Variants in OGN observed in about 807,000 individuals in gnomAD.
OGN encodes the protein osteoglycin, also known as mimecan.
OGN carries 19 observed loss-of-function variants against 30.8 expected under a neutral mutation model. The observed-to-expected ratio is 0.62, with a 90% CI of 0.43 to 0.90. The LOEUF is 0.90. OGN is among the 40% of genes least tolerant of loss of function. The pLI, the probability that OGN is intolerant of heterozygous loss-of-function variation, is 0.00. For missense variants in OGN, 283 were observed against 349.7 expected (o/e 0.81, Z 1.52); for synonymous variants, 126 against 128.3 (o/e 0.98, Z 0.12).
At chr9:92,403,504 A>T (rs1267341600) in intron 1 of OGN, 22 bp from the exon 2 acceptor site, 1 of 1,474,510 alleles carries the variant, frequency 6.8e-7, no homozygotes, top group African/African-American at 1.4e-5. Context: ...AATTCAGACC[A>T]TCGAAGCAAT....
chr9:92,393,202 A>G lies in OGN; in HGVS notation c.311T>C (p.Val104Ala), dbSNP rs1214184627. ...CLLCVCLSGS[V>A]YCEEVDIDAV... Reference sequence around the variant, plus strand: ...ATCAATGTCAACTTCTTCACAGTATACAGAGCCACTTAAACAAACACACAG... The same window carrying G: ...ATCAATGTCAACTTCTTCACAGTATGCAGAGCCACTTAAACAAACACACAG... Residue 104 changes from valine (V) to alanine (A), a missense_variant, in exon 4 of 7, where the codon GTA (valine) becomes GCA (alanine). Transcript: ENST00000375561. The G allele has an allele frequency of 6.2e-7, 1 of 1,610,970 alleles. No individual in the cohort carries two copies. Among genetic ancestry groups the G allele is most frequent in the Non-Finnish European group, 8.5e-7 (1 of 1,178,326 alleles).
rs964282234 is a variant in OGN, at chr9:92,385,480, A to G, written c.*140T>C. ...TTACTTATTATATGTAAGATTTTGA[A>G]CATCCTTGCTTAAAATATTAAATTC... On this transcript the variant is annotated 3_prime_UTR_variant, in exon 7 of 7. Coordinates refer to ENST00000375561, the MANE Select transcript of OGN (RefSeq NM_014057.5). The G allele has an allele frequency of 1.4e-5, 10 of 700,358 alleles. No homozygotes were observed. Among genetic ancestry groups the G allele is most frequent in the African/African-American group, 1.3e-4 (7 of 55,116 alleles). 43.4% of individuals were successfully genotyped at this position (700,358 alleles called of 1,614,324 possible). A position where few individuals can be genotyped will look rare whatever the true frequency, so the allele number is the denominator to read the frequency against.
chr9:92,396,911 C>T (rs758172259), intron 3 of OGN, among the ~76,000 whole-genome samples: 2 of 152,014 alleles, frequency 1.3e-5, no homozygotes, highest in Non-Finnish European at 2.9e-5. Flanking sequence ...TGCAATGGCT[C>T]ATATATGTAA....
intron 3 of OGN, among the ~76,000 whole-genome samples, chr9:92,397,012 C>CA (rs1842918447): frequency 6.7e-6 from 1 of 149,838 alleles, no homozygotes; most frequent in South Asian, 2.2e-4. Context: ...CTCATCTCTA[C>CA]AAAAAAATAC....
Position 92,401,104 on chromosome 9 carries a change from T to C in OGN, c.256A>G (p.Lys86Glu). The part of the protein sequence containing the change: ...DEAITPLPPK[K>E]ENDEMPTCLL... ...AGATGATACTTACCATCATTTTCTT[T>C]CTTGGGAGGTAATGGTGTTATTGCC... Residue 86 changes from lysine to glutamate, a missense_variant, in exon 3 of 7, where the codon AAA (lysine) becomes GAA (glutamate). Transcript: ENST00000375561. The C allele has an allele frequency of 6.8e-7, 1 of 1,462,344 alleles. No individual in the cohort carries two copies. Among genetic ancestry groups the C allele is most frequent in the Non-Finnish European group, 9.6e-7 (1 of 1,045,642 alleles). 90.6% of individuals were successfully genotyped at this position (1,462,344 alleles called of 1,614,324 possible).
intron 6 of OGN, 61 bp from the exon 7 acceptor site, chr9:92,385,851 T>A: frequency 6.4e-7 from 1 of 1,550,714 alleles, no homozygotes. Context: ...ATATGCTATA[T>A]AATGGGTAAA....
Position 92,403,298 on chromosome 9 carries a change from T to A in OGN, c.110A>T (p.Asn37Ile), listed in dbSNP as rs952308907. ...TTGGCTAAATATGGATTCTTCAAAA[T>A]TATCTGTTCCATAATCATAGATAAT... ...SRIIYDYGTD[N>I]FEESIFSQDY... The change falls in exon 2 of 7, where the codon AAT (asparagine) becomes ATT (isoleucine). Residue 37 changes from asparagine (N) to isoleucine (I), a missense_variant. Transcript: ENST00000375561. 2 of 1,612,224 alleles carry A rather than the reference T, an allele frequency of 1.2e-6. No homozygotes were observed. Among genetic ancestry groups the A allele is most frequent in the Non-Finnish European group, 1.7e-6 (2 of 1,178,594 alleles).
chr9:92,394,182 T>C (rs1842797565), intron 3 of OGN, among the ~76,000 whole-genome samples: 1 of 151,656 alleles, frequency 6.6e-6, no homozygotes, highest in African/African-American at 2.4e-5. Context: ...GTTGGCACTC[T>C]CTTCTTATTT....
intron 4 of OGN, among the ~76,000 whole-genome samples, chr9:92,391,339 G>A (rs971001077): frequency 6.6e-5 from 10 of 152,090 alleles, no homozygotes; most frequent in African/African-American, 1.2e-4. Flanking sequence ...CCTGGGAGGC[G>A]GAGCTAGCAG....
chr9:92,390,100 C>A, intron 4 of OGN, 44 bp from the exon 5 acceptor site: 1 of 1,142,268 alleles, frequency 8.8e-7, no homozygotes, highest in South Asian at 1.4e-5. Context: ...AAGTAAAATT[C>A]TTATTGTATG....
intron 4 of OGN, among the ~76,000 whole-genome samples, chr9:92,390,587 T>TGTGTGTGTGCGC (rs749697394): frequency 2.1e-5 from 3 of 141,912 alleles, no homozygotes; most frequent in Non-Finnish European, 3.2e-5. Flanking sequence ...TGTGTGTGTG[T>TGTGTGTGTGCGC]GCGCGCGCGC....
chr9:92,389,317 T>A (rs1455697939), intron 5 of OGN, among the ~76,000 whole-genome samples: 2 of 152,210 alleles, frequency 1.3e-5, no homozygotes, highest in South Asian at 4.1e-4. Flanking sequence ...TTGCTTGAAT[T>A]GTTAAGAAAT....
chr9:92,391,962 C>T (rs7847929), intron 4 of OGN, among the ~76,000 whole-genome samples: 72,164 of 151,530 alleles, frequency 0.48, 20,697 homozygotes, highest in African/African-American at 0.81. Context: ...GCAGCATGAA[C>T]CTGGTTATGG....
chr9:92,384,919 A>G lies in OGN; in HGVS notation c.*701T>C, dbSNP rs1206182511. 6.6e-6 allele frequency: 1 copy of G among 152,514 alleles called. No homozygotes were observed. Among genetic ancestry groups the G allele is most frequent in the African/African-American group, 2.4e-5 (1 of 41,426 alleles). 9.4% of individuals were successfully genotyped at this position (152,514 alleles called of 1,614,324 possible). Reference sequence around the variant, plus strand: ...GCTTGAGTTTAAAACTTTTTTTGGTAGACTTAGAATGTTAATATTTAGATA... The same window carrying G: ...GCTTGAGTTTAAAACTTTTTTTGGTGGACTTAGAATGTTAATATTTAGATA... On this transcript the variant is annotated 3_prime_UTR_variant, in exon 7 of 7. Coordinates refer to ENST00000375561, the MANE Select transcript of OGN (RefSeq NM_014057.5).
intron 5 of OGN, among the ~76,000 whole-genome samples, chr9:92,387,491 A>T (rs934342171): frequency 6.6e-6 from 1 of 152,124 alleles, no homozygotes; most frequent in Admixed American, 6.5e-5. Context: ...ATTCTTCATG[A>T]TCAGTAACCC....
chr9:92,392,571 C>T (rs891168949), intron 4 of OGN, among the ~76,000 whole-genome samples: 4 of 151,310 alleles, frequency 2.6e-5, no homozygotes, highest in South Asian at 2.1e-4. Context: ...GCCAAGATCA[C>T]GCCACTCTAC....
intron 3 of OGN, 79 bp from the exon 4 acceptor site, chr9:92,393,323 T>G: frequency 9.3e-7 from 1 of 1,069,904 alleles, no homozygotes; most frequent in South Asian, 1.9e-5. Context: ...TTATTGCTAT[T>G]ATGAATGCTA....
chr9:92,389,253 C>G (rs1842568327), intron 5 of OGN, among the ~76,000 whole-genome samples: 2 of 152,144 alleles, frequency 1.3e-5, no homozygotes, highest in South Asian at 4.1e-4. Context: ...CATTTTGAGA[C>G]AAATTGTCTA....
rs150953733 is a variant in OGN, at chr9:92,386,389, A to G, written c.631-93T>C. On this transcript the variant is annotated intron_variant, in intron 5 of 6. Transcript: ENST00000375561. The stretch of plus-strand genomic sequence containing the variant: ...TATATGTGCATATGAGTATATGTCT[A>G]TATATACAGACTTGCATATTGATAT... 3.5e-4 allele frequency: 267 copies of G among 752,324 alleles called. No individual in the cohort carries two copies. In the African/African-American group the frequency reaches 4.2e-3, roughly 12 times the overall value. The allele number at this position is 752,324 out of a possible 1,614,324, so 46.6% of individuals were successfully genotyped here.
Sources: gnomAD v4.1 joint callset for allele counts (sites outside exome capture counted in the v4.1 genomes callset) on GRCh38, gnomAD v4.1.1 for gene constraint, MANE v1.5 for transcripts, NCBI Gene and HGNC (gene_info 2026-07-23, HGNC 2026-07-21) for gene names.